SPAG9: variants seen among roughly 807,000 people sequenced by gnomAD.
SPAG9 encodes sperm associated antigen 9, also known as C-Jun-amino-terminal kinase-interacting protein 4.
SPAG9 carries 35 observed loss-of-function variants against 166.5 expected under a neutral mutation model. The ratio of observed to expected loss-of-function variants is 0.21; its 90% CI spans 0.16 to 0.28. SPAG9 has a LOEUF of 0.28. Ranked by LOEUF, SPAG9 falls within the 10% of genes least tolerant of loss-of-function variation. The pLI, the probability that SPAG9 is intolerant of heterozygous loss-of-function variation, is 1.00. For synonymous variants in SPAG9, 534 were observed against 565.5 expected (o/e 0.94, Z 0.79); for missense variants, 1,235 against 1,603.3 (o/e 0.77, Z 3.92).
chr17:51,109,727 T>C (rs1247827882), intron 1 of SPAG9, among the ~76,000 whole-genome samples: 1 of 152,114 alleles, frequency 6.6e-6, no homozygotes, highest in Non-Finnish European at 1.5e-5. Context: ...TTTTCTTTTC[T>C]TTTTGACAGA....
intron 27 of SPAG9, among the ~76,000 whole-genome samples, chr17:50,976,229 C>CTG (rs546325064): frequency 5.3e-5 from 8 of 151,834 alleles, no homozygotes; most frequent in Admixed American, 3.9e-4. Context: ...CTTTATTTCT[C>CTG]TGTGTGTGTG....
chr17:50,971,740 A>T (rs759641964), intron 28 of SPAG9, among the ~76,000 whole-genome samples: 1 of 151,936 alleles, frequency 6.6e-6, no homozygotes, highest in Non-Finnish European at 1.5e-5. Flanking sequence ...GAATACAGGC[A>T]TGAGCCACTG....
chr17:51,009,545 C>T (rs979812207), intron 9 of SPAG9, among the ~76,000 whole-genome samples: 2 of 152,150 alleles, frequency 1.3e-5, no homozygotes, highest in African/African-American at 2.4e-5. Context: ...ACTGCTACTG[C>T]GTCCTCACCA....
intron 5 of SPAG9, among the ~76,000 whole-genome samples, chr17:51,036,332 C>T (rs1000778032): frequency 6.6e-6 from 1 of 151,282 alleles, no homozygotes; most frequent in Non-Finnish European, 1.5e-5. Flanking sequence ...TTAAACTGCT[C>T]AAATCTACAC....
At chr17:51,087,020 C>T (rs2048324483) in intron 1 of SPAG9, among the ~76,000 whole-genome samples, 1 of 152,140 alleles carries the variant, frequency 6.6e-6, no homozygotes, top group Non-Finnish European at 1.5e-5. Context: ...TCCCTAATAG[C>T]TTACACAGGG....
At chr17:51,095,627 G>A (rs1307506762) in intron 1 of SPAG9, among the ~76,000 whole-genome samples, 5 of 150,460 alleles carry the variant, frequency 3.3e-5, no homozygotes, top group Admixed American at 6.7e-5. Flanking sequence ...CTCCAGCCTG[G>A]GCGACAGAGT....
intron 1 of SPAG9, among the ~76,000 whole-genome samples, chr17:51,089,994 A>T (rs913859234): frequency 6.6e-6 from 1 of 151,448 alleles, no homozygotes; most frequent in Non-Finnish European, 1.5e-5. Flanking sequence ...CTATTTTTTT[A>T]AAAAAGAGAG....
intron 9 of SPAG9, among the ~76,000 whole-genome samples, chr17:51,011,246 G>A (rs1280012702): frequency 1.3e-5 from 2 of 151,212 alleles, no homozygotes; most frequent in African/African-American, 4.9e-5. Context: ...AGGATTCCTT[G>A]AGCCTAGGAG....
intron 3 of SPAG9, 81 bp from the exon 4 acceptor site, chr17:51,047,550 T>C (rs1022635687): frequency 4.7e-6 from 3 of 635,392 alleles, no homozygotes; most frequent in Non-Finnish European, 7.8e-6. Flanking sequence ...AAGGAAAACA[T>C]TTTGGTACAA....
At chr17:51,081,575 CT>C (rs2048166100) in intron 1 of SPAG9, among the ~76,000 whole-genome samples, 1 of 151,980 alleles carries the variant, frequency 6.6e-6, no homozygotes, top group African/African-American at 2.4e-5. Flanking sequence ...GAAACCCCGT[CT>C]CTACTAAAAA....
intron 25 of SPAG9, 150 bp downstream of exon 25, chr17:50,982,374 G>A (rs1974728398): frequency 1.5e-6 from 1 of 659,704 alleles, no homozygotes; most frequent in African/African-American, 1.8e-5. Context: ...AAGTAACACA[G>A]AAAGCTAAGA....
chr17:50,986,085 C>T (rs1019515809), intron 22 of SPAG9, among the ~76,000 whole-genome samples: 2 of 152,260 alleles, frequency 1.3e-5, no homozygotes, highest in African/African-American at 4.8e-5. Context: ...TGCCTTACCT[C>T]TCTACTACAC....
At chr17:51,019,193 A>G (rs1598007643) in intron 8 of SPAG9, among the ~76,000 whole-genome samples, 1 of 152,158 alleles carries the variant, frequency 6.6e-6, no homozygotes, top group South Asian at 2.1e-4. Context: ...CCCTCACCAG[A>G]CACCTGACCC....
chr17:51,066,567 G>GAAAAAAAAAAAAAAAAAAAAAAAAA (rs71149340), intron 2 of SPAG9, among the ~76,000 whole-genome samples: 1 of 110,820 alleles, frequency 9.0e-6, no homozygotes, highest in Non-Finnish European at 1.8e-5. Flanking sequence ...AAAAAAAAAA[G>GAAAAAAAAAAAAAAAAAAAAAAAAA]AAAAAAAAAA....
At chr17:51,098,085 A>C (rs2048694786) in intron 1 of SPAG9, among the ~76,000 whole-genome samples, 1 of 152,108 alleles carries the variant, frequency 6.6e-6, no homozygotes, top group Non-Finnish European at 1.5e-5. Context: ...CAGCCTCCCA[A>C]AGCACTGGGA....
At chr17:51,079,814 C>G in intron 1 of SPAG9, 110 bp from the exon 2 acceptor site, 1 of 693,548 alleles carries the variant, frequency 1.4e-6, no homozygotes, top group African/African-American at 1.8e-5. Context: ...CTACTTAGAT[C>G]TCAGAATTAT....
At chr17:51,111,716 C>T (rs2049116977) in intron 1 of SPAG9, among the ~76,000 whole-genome samples, 1 of 152,122 alleles carries the variant, frequency 6.6e-6, no homozygotes, top group Non-Finnish European at 1.5e-5. Flanking sequence ...GATTTTCCTT[C>T]CTCTGCCTCC....
At chr17:50,978,781 G>A (rs977049408) in intron 26 of SPAG9, among the ~76,000 whole-genome samples, 3 of 152,096 alleles carry the variant, frequency 2.0e-5, no homozygotes, top group East Asian at 1.9e-4. Flanking sequence ...GCTGTGGGTC[G>A]GTATGAGCAA....
At chr17:50,988,985 G>A (rs373030056) in intron 21 of SPAG9, among the ~76,000 whole-genome samples, 2 of 152,032 alleles carry the variant, frequency 1.3e-5, no homozygotes, top group South Asian at 4.1e-4. Flanking sequence ...GAAAATTAGA[G>A]TAGGGGTGGG....
Sources: gnomAD v4.1 joint callset for allele counts (sites outside exome capture counted in the v4.1 genomes callset) on GRCh38, gnomAD v4.1.1 for gene constraint, MANE v1.5 for transcripts, NCBI Gene and HGNC (gene_info 2026-07-23, HGNC 2026-07-21) for gene names.